TCF12: variants seen among roughly 807,000 people sequenced by gnomAD.
TCF12 encodes DNA-binding protein HTF4.
A neutral mutation model predicts 86.0 loss-of-function variants in TCF12; 45 were observed. That is an observed-to-expected ratio of 0.52 (90% CI 0.41 to 0.67). TCF12 has a LOEUF of 0.67. Among genes scored for constraint, TCF12 ranks in the 30% least tolerant of loss-of-function variants. TCF12 has a pLI of 0.00. For synonymous variants in TCF12, 330 were observed against 299.6 expected, an observed-to-expected ratio of 1.10 and a Z score of -1.05; for missense variants, 881 against 859.9, an observed-to-expected ratio of 1.02 and a Z score of -0.31.
At chr15:57,067,481 A>G (rs1567353246) in intron 4 of TCF12, among the ~76,000 whole-genome samples, 1 of 6,158 alleles carries the variant, frequency 1.6e-4, no homozygotes, top group Non-Finnish European at 1.9e-3. Context: ...CGGAACTCGC[A>G]GTGAGCCAGA....
upstream of TCF12, chr15:56,918,516 G>C (rs2059602358): frequency 3.2e-6 from 1 of 317,416 alleles, no homozygotes; most frequent in African/African-American, 2.3e-5. Flanking sequence ...CCGCCGCGGT[G>C]CGGCTCCTCC....
intron 3 of TCF12, among the ~76,000 whole-genome samples, chr15:57,059,885 C>A (rs1209433734): frequency 6.6e-6 from 1 of 151,046 alleles, no homozygotes; most frequent in Non-Finnish European, 1.5e-5. Context: ...ACTCTGGTGG[C>A]TTGATGAAAG....
intron 5 of TCF12, among the ~76,000 whole-genome samples, chr15:57,147,841 G>A (rs1233928141): frequency 6.6e-6 from 1 of 150,548 alleles, no homozygotes. Flanking sequence ...TTTACCAAAG[G>A]TTACTGGCCA....
upstream of TCF12, chr15:56,918,098 CGAG>C (rs2059588254): frequency 7.2e-6 from 3 of 417,938 alleles, 1 homozygote; most frequent in African/African-American, 4.1e-5. Flanking sequence ...TCGGAACGGC[CGAG>C]GAGGATGGGT....
chr15:57,046,257 A>G (rs148989469), intron 3 of TCF12, among the ~76,000 whole-genome samples: 1 of 152,342 alleles, frequency 6.6e-6, no homozygotes, highest in Non-Finnish European at 1.5e-5. Flanking sequence ...AAAACTTGGC[A>G]TCATACCTGG....
Position 57,107,497 on chromosome 15 carries a change from A to G in TCF12, c.325+15606A>G, listed in dbSNP as rs971550181. 5.9e-5 allele frequency among the ~76,000 whole-genome samples: 9 copies of G among 152,300 alleles called. 1 individual carries two copies. The highest frequency in any genetic ancestry group is 2.0e-4 in the Admixed American group (3 of 15,306). ...TGTATAAAACTTTAGTGGTAGATATATGTCATTATATGTTTTTTCAAACCA... is the reference window on the plus strand; with the variant it reads ...TGTATAAAACTTTAGTGGTAGATATGTGTCATTATATGTTTTTTCAAACCA... On this transcript the variant is annotated intron_variant, in intron 5 of 20. Coordinates refer to ENST00000333725, the MANE Select transcript of TCF12 (RefSeq NM_207037.2).
At position 57,140,788 on chromosome 15, in the gene TCF12, T is replaced by A. The variant is rs555492537; in HGVS notation, c.326-25614T>A. 7.5e-4 allele frequency among the ~76,000 whole-genome samples: 114 copies of A among 152,324 alleles called. 2 individuals carry two copies. The South Asian group carries it at 0.023, about 30-fold the overall frequency. On this transcript the variant is annotated intron_variant, in intron 5 of 20. Coordinates refer to ENST00000333725, the MANE Select transcript of TCF12 (RefSeq NM_207037.2). ...AATTGGTTTGCACAGGATTGAACAATTTACATTGCAAACCCAGGTCTATCT... is the reference window on the plus strand; with the variant it reads ...AATTGGTTTGCACAGGATTGAACAAATTACATTGCAAACCCAGGTCTATCT...
chr15:57,084,672 C>T (rs1309883012), intron 4 of TCF12, among the ~76,000 whole-genome samples: 1 of 151,666 alleles, frequency 6.6e-6, no homozygotes, highest in Non-Finnish European at 1.5e-5. Flanking sequence ...AAACTATCTG[C>T]AAAAGACTAG....
At chr15:57,268,573 A>G (rs558051710) in intron 18 of TCF12, among the ~76,000 whole-genome samples, 5 of 152,282 alleles carry the variant, frequency 3.3e-5, no homozygotes, top group Admixed American at 3.3e-4. Context: ...TTCTTTTATT[A>G]GAATACTCAG....
chr15:57,069,179 C>G (rs994893496), intron 4 of TCF12, among the ~76,000 whole-genome samples: 8 of 152,012 alleles, frequency 5.3e-5, no homozygotes, highest in African/African-American at 1.9e-4. Context: ...TATTGATACT[C>G]TTTTCTAAGA....
At position 57,074,716 on chromosome 15, in the gene TCF12, T is replaced by A. The variant is rs140852161; in HGVS notation, c.222+10893T>A. Among the ~76,000 whole-genome samples the A allele has an allele frequency of 4.8e-3, 728 of 152,296 alleles. 8 individuals carry two copies. Among genetic ancestry groups the A allele is most frequent in the Admixed American group, 0.024 (369 of 15,300 alleles). ...ATTGCAGGTCTTGGGATTTGGAGAT[T>A]ATTGGGAAAAAGAAGTAGGGCAACC... On this transcript the variant is annotated intron_variant, in intron 4 of 20. Coordinates refer to ENST00000333725, the MANE Select transcript of TCF12 (RefSeq NM_207037.2).
chr15:57,234,892 C>G (rs1277073571), intron 12 of TCF12, among the ~76,000 whole-genome samples: 1 of 152,040 alleles, frequency 6.6e-6, no homozygotes, highest in South Asian at 2.1e-4. Context: ...CTTAGAATTC[C>G]CACAGAATTG....
chr15:56,979,186 AT>A (rs1347137505), intron 3 of TCF12, among the ~76,000 whole-genome samples: 4 of 152,158 alleles, frequency 2.6e-5, no homozygotes, highest in African/African-American at 9.7e-5. Flanking sequence ...TATGCTTTAC[AT>A]TCTGAAAATT....
intron 3 of TCF12, among the ~76,000 whole-genome samples, chr15:56,937,578 C>T (rs1249664136): frequency 6.6e-6 from 1 of 151,480 alleles, no homozygotes. Flanking sequence ...CTGGCTAGGA[C>T]TATATTGAAT....
At chr15:57,135,122 A>G (rs1222577939) in intron 5 of TCF12, among the ~76,000 whole-genome samples, 1 of 152,158 alleles carries the variant, frequency 6.6e-6, no homozygotes, top group Non-Finnish European at 1.5e-5. Flanking sequence ...GGGATAATGG[A>G]TTGTGGTATA....
At chr15:56,958,079 T>G (rs533280875) in intron 3 of TCF12, among the ~76,000 whole-genome samples, 11 of 152,324 alleles carry the variant, frequency 7.2e-5, no homozygotes, top group African/African-American at 2.6e-4. Flanking sequence ...TTATTCAGTC[T>G]CTAGCTTCAG....
At chr15:56,923,961 T>C (rs545901188) in intron 3 of TCF12, among the ~76,000 whole-genome samples, 13 of 152,268 alleles carry the variant, frequency 8.5e-5, no homozygotes, top group African/African-American at 2.9e-4. Context: ...GGAAGTATTT[T>C]CTGGCTCTTA....
rs180739356 is a variant in TCF12 at position 57,219,446 on chromosome 15, C to T, written c.580-11706C>T. On this transcript the variant is annotated intron_variant, in intron 8 of 20. Coordinates refer to ENST00000333725, the MANE Select transcript of TCF12 (RefSeq NM_207037.2). ...ATGCATAGTACTGAAGACTTACTCC[C>T]TTTGCCTGTGTGGATATATGTCTTG... 6.5e-5 allele frequency: 101 copies of T among 1,541,990 alleles called. No homozygotes were observed. In the East Asian group the frequency reaches 2.1e-3, roughly 32 times the overall value.
At chr15:57,054,574 G>A (rs892721518) in intron 3 of TCF12, among the ~76,000 whole-genome samples, 1 of 152,146 alleles carries the variant, frequency 6.6e-6, no homozygotes, top group African/African-American at 2.4e-5. Context: ...ACTGAAAAGA[G>A]GAGTATCTGT....
Sources: gnomAD v4.1 joint callset for allele counts (sites outside exome capture counted in the v4.1 genomes callset) on GRCh38, gnomAD v4.1.1 for gene constraint, MANE v1.5 for transcripts, NCBI Gene and HGNC (gene_info 2026-07-23, HGNC 2026-07-21) for gene names.